The following PDE4A variants were observed in gnomAD, a reference collection of about 807,000 sequenced individuals.
PDE4A encodes the protein 3',5'-cyclic-AMP phosphodiesterase 4A.
PDE4A carries 21 observed loss-of-function variants against 73.9 expected under a neutral mutation model. The ratio of observed to expected loss-of-function variants is 0.28; its 90% CI spans 0.20 to 0.41. The LOEUF (loss-of-function observed/expected upper bound fraction) is 0.41, where lower values mean the gene tolerates loss of function less well. Ranked by LOEUF, PDE4A falls within the 10% of genes least tolerant of loss-of-function variation. PDE4A has a pLI of 1.00. For missense variants in PDE4A, 958 were observed against 1,211.4 expected, an observed-to-expected ratio of 0.79 and a Z score of 3.10; for synonymous variants, 463 against 505.4, an observed-to-expected ratio of 0.92 and a Z score of 1.13.
intron 1 of PDE4A, among the ~76,000 whole-genome samples, chr19:10,429,266 A>G (rs201988212): frequency 7.2e-5 from 10 of 139,204 alleles, no homozygotes; most frequent in East Asian, 2.4e-4. Context: ...AGGAAAGGAA[A>G]GAAGGAAGGA....
chr19:10,452,987 G>GC (rs1263174537), intron 6 of PDE4A: 6 of 1,268,944 alleles, frequency 4.7e-6, no homozygotes, highest in East Asian at 3.7e-5. Flanking sequence ...CCCTTGCCCT[G>GC]CCCCCCTCCC....
At chr19:10,441,843 C>G (rs1315452573) in intron 1 of PDE4A, among the ~76,000 whole-genome samples, 1 of 151,720 alleles carries the variant, frequency 6.6e-6, no homozygotes, top group African/African-American at 2.4e-5. Context: ...GCACCCACCA[C>G]TACGCCCGGC....
At chr19:10,419,168 G>A, upstream of PDE4A, 8 of 846,824 alleles carry the variant, frequency 9.4e-6, no homozygotes, top group Non-Finnish European at 1.1e-5. Context: ...CACGGGGGCA[G>A]GGGTCTGGTC....
At chr19:10,417,203 G>A (rs2042596543), upstream of PDE4A, 15 of 984,974 alleles carry the variant, frequency 1.5e-5, no homozygotes, top group Non-Finnish European at 1.7e-5. Context: ...AGCAGGCAAA[G>A]GCTTCTCAAA....
chr19:10,437,668 T>C (rs574237006), intron 1 of PDE4A, among the ~76,000 whole-genome samples: 1 of 152,206 alleles, frequency 6.6e-6, no homozygotes, highest in South Asian at 2.1e-4. Flanking sequence ...TCCTCCCACC[T>C]CAGCTTCTCA....
chr19:10,448,000 A>AGG (rs2043035389), intron 2 of PDE4A, among the ~76,000 whole-genome samples: 1 of 152,088 alleles, frequency 6.6e-6, no homozygotes, highest in Admixed American at 6.6e-5. Flanking sequence ...TCACACTCAT[A>AGG]ATCCTAGCAC....
chr19:10,434,149 C>T (rs2042832499), intron 1 of PDE4A, among the ~76,000 whole-genome samples: 1 of 147,966 alleles, frequency 6.8e-6, no homozygotes, highest in Admixed American at 6.7e-5. Context: ...CAGTTTCTTT[C>T]TTTCTTCCTT....
intron 1 of PDE4A, among the ~76,000 whole-genome samples, chr19:10,426,243 C>T (rs2042716506): frequency 1.3e-5 from 2 of 152,100 alleles, no homozygotes. Context: ...GTCAGAGCCT[C>T]AGTCTCCTCA....
intron 1 of PDE4A, among the ~76,000 whole-genome samples, chr19:10,425,570 C>T (rs146307257): frequency 0.012 from 1,771 of 152,342 alleles, 35 homozygotes; most frequent in African/African-American, 0.041. Flanking sequence ...AACAGATTGA[C>T]TGCAGGCTCT....
intron 7 of PDE4A, among the ~76,000 whole-genome samples, chr19:10,455,465 CAAAA>C (rs35368894): frequency 8.5e-6 from 1 of 117,174 alleles, no homozygotes; most frequent in Admixed American, 9.1e-5. Context: ...ACTCTTGTCT[CAAAA>C]AAAAAAAAAA....
chr19:10,434,152 T>TCTTC (rs939436331), intron 1 of PDE4A, among the ~76,000 whole-genome samples: 12 of 142,174 alleles, frequency 8.4e-5, no homozygotes, highest in South Asian at 2.3e-4. Flanking sequence ...TTTCTTTCTT[T>TCTTC]CTTCCTTCCT....
chr19:10,420,514 G>A (rs1400260926), upstream of PDE4A: 10 of 1,072,944 alleles, frequency 9.3e-6, no homozygotes, highest in Non-Finnish European at 1.1e-5. This position sits in a 1 kb window ranked among gnomAD's most constrained non-coding sequence, Gnocchi z 6.0. Context: ...AGCGGGCCGC[G>A]GAACGCGGAG....
In PDE4A at chr19:10,453,133, C is replaced by G; in HGVS notation, c.784-1696C>G. ...GGAGCCCCCAGCCCTGCTGGGCCGG[C>G]CCAGGCCCCTCCGCGGCTCCCCCTT... On this transcript the variant is annotated intron_variant, in intron 6 of 14. Coordinates refer to ENST00000380702, the MANE Select transcript of PDE4A (RefSeq NM_001111307.2). This position sits in a 1 kb window ranked among gnomAD's most constrained non-coding sequence, Gnocchi z 4.6. The G allele has an allele frequency of 7.0e-7, 1 of 1,420,784 alleles. No individual in the cohort carries two copies. The highest frequency in any genetic ancestry group is 9.2e-7 in the Non-Finnish European group (1 of 1,088,358). 88.0% of individuals were successfully genotyped at this position (1,420,784 alleles called of 1,614,324 possible).
At chr19:10,451,307 A>G (rs1476197786) in intron 6 of PDE4A, among the ~76,000 whole-genome samples, 1 of 152,022 alleles carries the variant, frequency 6.6e-6, no homozygotes, top group Non-Finnish European at 1.5e-5. Flanking sequence ...GCTCCTGTAG[A>G]TTATGACTTT....
At chr19:10,459,361 C>T in intron 8 of PDE4A, 39 bp from the exon 9 acceptor site, 1 of 1,614,100 alleles carries the variant, frequency 6.2e-7, no homozygotes, top group Non-Finnish European at 8.5e-7. Flanking sequence ...GGGCCCTGAG[C>T]CTTACAGGCT....
At position 10,458,258 on chromosome 19, in the gene PDE4A, T is replaced by C. The variant is rs1000590045; in HGVS notation, c.1101+156T>C. On this transcript the variant is annotated intron_variant, in intron 8 of 14. Transcript: ENST00000380702. The surrounding 1 kb of genome is among the most constrained non-coding windows in gnomAD (Gnocchi z 4.6). ...TCTTGAGGCAAGCATGCTGGCTCTT[T>C]GTACCTCTGTATCATTCATTGCTTG... Among the ~76,000 whole-genome samples, 28 of 152,308 alleles carry C rather than the reference T, an allele frequency of 1.8e-4. No homozygotes were observed. The highest frequency in any genetic ancestry group is 3.4e-3 in the Middle Eastern group (1 of 294).
chr19:10,436,534 AAT>A (rs1301575923), intron 1 of PDE4A, among the ~76,000 whole-genome samples: 1 of 148,868 alleles, frequency 6.7e-6, no homozygotes, highest in African/African-American at 2.5e-5. Context: ...CAGCCTAGGC[AAT>A]AAGAGCGAAA....
rs1183138828 is a variant in PDE4A, at chr19:10,446,223, A to G, written c.326A>G (p.Glu109Gly). ...GAGGGSSRRF[E>G]AENGPTPSPG... ...TTCTCGCCCATCCCCTGCAGCTTCG[A>G]GGCAGAGAATGGGCCGACACCATCT... Residue 109 changes from glutamate to glycine, a missense_variant, in exon 2 of 15, where the codon GAG becomes GGG. Around this residue, in one of 3 missense-constraint regions of PDE4A, gnomAD observed 570 missense variants for 827.7 expected, o/e 0.69. Coordinates refer to ENST00000380702, the MANE Select transcript of PDE4A (RefSeq NM_001111307.2). 14 of 1,569,120 alleles carry G rather than the reference A, an allele frequency of 8.9e-6. No individual in the cohort carries two copies. Among genetic ancestry groups the G allele is most frequent in the Non-Finnish European group, 1.2e-5 (14 of 1,157,386 alleles).
At chr19:10,457,113 G>A (rs1043200046) in intron 7 of PDE4A, among the ~76,000 whole-genome samples, 3 of 152,112 alleles carry the variant, frequency 2.0e-5, no homozygotes, top group Non-Finnish European at 4.4e-5. Context: ...TAGGAAAATC[G>A]CTTGAACCCG....
Sources: allele counts gnomAD v4.1 joint callset (sites outside exome capture counted in the v4.1 genomes callset), GRCh38; gene constraint gnomAD v4.1.1; regional missense constraint gnomAD v4.1.1; non-coding constraint Gnocchi (gnomAD v3.1); transcripts MANE v1.5; gene names NCBI Gene and HGNC (gene_info 2026-07-23, HGNC 2026-07-21).